Variants in AFF1 observed in about 807,000 individuals in gnomAD.
AFF1 encodes ALF transcription elongation factor 1.
A neutral mutation model predicts 121.7 loss-of-function variants in AFF1; 48 were observed. The ratio of observed to expected loss-of-function variants is 0.39; its 90% CI spans 0.31 to 0.50. The LOEUF (loss-of-function observed/expected upper bound fraction) is 0.50, where lower values mean the gene tolerates loss of function less well. Among genes scored for constraint, AFF1 ranks in the 20% least tolerant of loss-of-function variants. The pLI is 0.76. For synonymous variants in AFF1, 613 were observed against 563.0 expected, an observed-to-expected ratio of 1.09 and a Z score of -1.26; for missense variants, 1,523 against 1,511.7, an observed-to-expected ratio of 1.01 and a Z score of -0.12.
chr4:87,074,279 T>C (rs1722433527), intron 4 of AFF1, among the ~76,000 whole-genome samples: 1 of 152,152 alleles, frequency 6.6e-6, no homozygotes, highest in Non-Finnish European at 1.5e-5. Context: ...GGAACCAGTG[T>C]CTAGACTTGT....
chr4:87,118,037 T>G (rs1727298299), intron 12 of AFF1, among the ~76,000 whole-genome samples: 1 of 152,240 alleles, frequency 6.6e-6, no homozygotes, highest in South Asian at 2.1e-4. Flanking sequence ...ATTTTAAATG[T>G]GAACATTAGA....
chr4:87,114,671 A>G lies in AFF1; in HGVS notation c.1838A>G (p.Lys613Arg). 6.2e-7 allele frequency: 1 copy of G among 1,613,000 alleles called. No individual in the cohort carries two copies. The highest frequency in any genetic ancestry group is 1.3e-5 in the African/African-American group (1 of 74,792). The change falls in exon 12 of 21, where the codon AAA (lysine) becomes AGA (arginine). Residue 613 changes from lysine (K) to arginine (R), a missense_variant. Physicochemically the swap from Lys to Arg is conservative, Grantham distance 26. Around this residue, in one of 5 missense-constraint regions of AFF1, gnomAD observed 905 missense variants for 842.5 expected, o/e 1.07. Coordinates refer to ENST00000395146, the MANE Select transcript of AFF1 (RefSeq NM_001166693.3). ...CAAACCGTTGGAACCAAACAACCCAAAAAACCTGTCAAGGCCTCTGCCCGG... is the reference window on the plus strand; with the variant it reads ...CAAACCGTTGGAACCAAACAACCCAGAAAACCTGTCAAGGCCTCTGCCCGG... ...QRQTVGTKQPKKPVKASARAG... is the reference protein window; with the variant it reads ...QRQTVGTKQPRKPVKASARAG...
chr4:86,964,416 C>T (rs1360084300), intron 2 of AFF1, among the ~76,000 whole-genome samples: 1 of 149,552 alleles, frequency 6.7e-6, no homozygotes, highest in African/African-American at 2.5e-5. Context: ...CACCCAGCCG[C>T]CTGGGTTGTT....
intron 2 of AFF1, among the ~76,000 whole-genome samples, chr4:86,982,841 C>CT (rs1479142911): frequency 1.6e-4 from 14 of 87,502 alleles, no homozygotes; most frequent in African/African-American, 6.5e-4. Context: ...GAGTAAGACT[C>CT]TGTCTCCAAA....
chr4:87,137,920 G>A lies in AFF1; in HGVS notation c.*2219G>A, dbSNP rs922289224. 6.0e-5 allele frequency: 14 copies of A among 231,564 alleles called. No homozygotes were observed. Among genetic ancestry groups the A allele is most frequent in the East Asian group, 2.4e-4 (4 of 16,420 alleles). 14.3% of individuals were successfully genotyped at this position (231,564 alleles called of 1,614,324 possible). A position where few individuals can be genotyped will look rare whatever the true frequency, so the allele number is the denominator to read the frequency against. On this transcript the variant is annotated 3_prime_UTR_variant, in exon 21 of 21. Transcript: ENST00000395146. ...ATGCAGATTGTGCCAGAGCATGTGC[G>A]TGTTCTGTTGGCAAGCCACAGTGCT...
At chr4:87,012,126 A>G (rs1243569135) in intron 2 of AFF1, among the ~76,000 whole-genome samples, 1 of 152,114 alleles carries the variant, frequency 6.6e-6, no homozygotes, top group African/African-American at 2.4e-5. Context: ...AATACCTGTA[A>G]GAGAGAGGAG....
chr4:87,042,174 A>G lies in AFF1; in HGVS notation c.39-3992A>G, dbSNP rs2149604447. 2.6e-5 allele frequency among the ~76,000 whole-genome samples: 4 copies of G among 152,300 alleles called. 1 individual carries two copies. In the Middle Eastern group the frequency reaches 0.01, roughly 389 times the overall value. Reference sequence around the variant, plus strand: ...GGCTCAACAAAGGTTTACTCATGGTATGAATAGTGGGTTTATTTTTAAAAT... The same window carrying G: ...GGCTCAACAAAGGTTTACTCATGGTGTGAATAGTGGGTTTATTTTTAAAAT... On this transcript the variant is annotated intron_variant, in intron 2 of 20. Coordinates refer to ENST00000395146, the MANE Select transcript of AFF1 (RefSeq NM_001166693.3).
intron 2 of AFF1, among the ~76,000 whole-genome samples, chr4:87,002,689 A>T (rs1188173384): frequency 6.6e-6 from 1 of 151,988 alleles, no homozygotes; most frequent in Non-Finnish European, 1.5e-5. Flanking sequence ...GATTACAGGC[A>T]TGAGCCACCG....
intron 2 of AFF1, among the ~76,000 whole-genome samples, chr4:86,987,930 G>T: frequency 8.3e-6 from 1 of 120,614 alleles, no homozygotes. Flanking sequence ...TTCAGCTTGG[G>T]GGACAGAGTG....
chr4:87,093,607 G>T (rs1233120714), intron 7 of AFF1, among the ~76,000 whole-genome samples: 2 of 152,176 alleles, frequency 1.3e-5, no homozygotes, highest in Non-Finnish European at 2.9e-5. Context: ...CAAGATGATC[G>T]TGTGGAGTCC....
chr4:86,982,385 T>A (rs1723821365), intron 2 of AFF1, among the ~76,000 whole-genome samples: 2 of 131,292 alleles, frequency 1.5e-5, no homozygotes, highest in African/African-American at 6.0e-5. Flanking sequence ...GAAAAAAAAT[T>A]GGCTTTTTTT....
At chr4:86,981,044 G>A (rs933896618) in intron 2 of AFF1, among the ~76,000 whole-genome samples, 4 of 150,968 alleles carry the variant, frequency 2.6e-5, no homozygotes, top group South Asian at 4.2e-4. Flanking sequence ...ACGGGGTCTC[G>A]CTCTGTCGCC....
At chr4:87,022,206 CAAAAAAAAAA>C (rs11296179) in intron 2 of AFF1, among the ~76,000 whole-genome samples, 4 of 76,064 alleles carry the variant, frequency 5.3e-5, no homozygotes, top group African/African-American at 1.6e-4. Flanking sequence ...GACTCCATCT[CAAAAAAAAAA>C]AAAAAAAAAA....
At chr4:86,974,898 C>A (rs1199302606) in intron 2 of AFF1, among the ~76,000 whole-genome samples, 2 of 152,102 alleles carry the variant, frequency 1.3e-5, no homozygotes, top group African/African-American at 2.4e-5. Context: ...TTTTTCCTTA[C>A]CCTCTTTCAT....
chr4:87,047,630 C>T (rs1422268548), intron 4 of AFF1, 36 bp downstream of exon 4: 15 of 1,612,544 alleles, frequency 9.3e-6, no homozygotes, highest in Middle Eastern at 3.3e-4. Context: ...AATTCCAATT[C>T]GAAGACGGAT....
At chr4:86,951,608 C>CTTTTTT (rs1344583304) in intron 2 of AFF1, among the ~76,000 whole-genome samples, 1 of 111,058 alleles carries the variant, frequency 9.0e-6, no homozygotes, top group Non-Finnish European at 1.9e-5. Flanking sequence ...TTTTCTTTTT[C>CTTTTTT]TTTTTTCTTT....
At chr4:87,057,396 T>G (rs978035753) in intron 4 of AFF1, among the ~76,000 whole-genome samples, 1 of 152,250 alleles carries the variant, frequency 6.6e-6, no homozygotes, top group South Asian at 2.1e-4. Context: ...CAGCTTGGGC[T>G]TATAATTCTG....
chr4:86,990,613 A>T (rs1303972963), intron 2 of AFF1, among the ~76,000 whole-genome samples: 1 of 152,116 alleles, frequency 6.6e-6, no homozygotes, highest in Non-Finnish European at 1.5e-5. Flanking sequence ...GAGTGAAAGG[A>T]GTATCTTGTA....
Position 87,137,942 on chromosome 4 carries a change from T to C in AFF1, c.*2241T>C, listed in dbSNP as rs1244837082. ...TGCGTGTTCTGTTGGCAAGCCACAG[T>C]GCTCCCTTGACTGAAGACATTTCCA... is the stretch of plus-strand genomic sequence containing the variant. On this transcript the variant is annotated 3_prime_UTR_variant, in exon 21 of 21. Coordinates refer to ENST00000395146, the MANE Select transcript of AFF1 (RefSeq NM_001166693.3). 1 of 231,608 alleles carries C rather than the reference T, an allele frequency of 4.3e-6. No individual in the cohort carries two copies. Among genetic ancestry groups the C allele is most frequent in the Non-Finnish European group, 8.5e-6 (1 of 117,164 alleles). The allele number at this position is 231,608 out of a possible 1,614,324, so 14.3% of individuals were successfully genotyped here.
Sources: gnomAD v4.1 joint callset for allele counts (sites outside exome capture counted in the v4.1 genomes callset) on GRCh38, gnomAD v4.1.1 for gene constraint, gnomAD v4.1.1 regional missense constraint, MANE v1.5 for transcripts, NCBI Gene and HGNC (gene_info 2026-07-23, HGNC 2026-07-21) for gene names.